The following EEF1E1 variants were observed in gnomAD, a reference collection of about 807,000 sequenced individuals.
The protein encoded by EEF1E1 is eukaryotic translation elongation factor 1 epsilon 1.
Under a neutral mutation model 19.9 loss-of-function variants are expected in EEF1E1, and 19 were observed. The observed-to-expected ratio is 0.95, with a 90% CI of 0.66 to 1.40. EEF1E1 has a LOEUF of 1.40. Among genes scored for constraint, EEF1E1 ranks in the 40% most tolerant of loss-of-function variants. The probability of loss-of-function intolerance (pLI) is 0.00; values close to 1 mark genes in which losing one functional copy is unlikely to be tolerated. For synonymous variants in EEF1E1, 81 were observed against 80.0 expected (o/e 1.01, Z -0.07); for missense variants, 198 against 202.2 (o/e 0.98, Z 0.13).
rs562267417 is a variant in EEF1E1 at position 8,095,997 on chromosome 6, G to A, written c.288+1270C>T. The stretch of plus-strand genomic sequence containing the variant: ...TAGTAGGTGCAGATGAGCAAACTGC[G>A]GTCAGACAAGGAAGACAATGCAAAT... On this transcript the variant is annotated intron_variant, in intron 2 of 3. Coordinates refer to ENST00000379715, the MANE Select transcript of EEF1E1 (RefSeq NM_004280.5). 1.8e-3 allele frequency among the ~76,000 whole-genome samples: 279 copies of A among 152,122 alleles called. 3 individuals are homozygous for A. Among genetic ancestry groups the A allele is most frequent in the African/African-American group, 6.5e-3 (268 of 41,496 alleles).
At position 8,097,364 on chromosome 6, in the gene EEF1E1, G is replaced by A. The variant is rs777312475; in HGVS notation, c.191C>T (p.Thr64Ile). Residue 64 changes from threonine (T) to isoleucine (I), a missense_variant, in exon 2 of 4, where the codon ACT becomes ATT. Thr to Ile is a moderately conservative substitution (Grantham distance 89, BLOSUM62 -1). Coordinates refer to ENST00000379715, the MANE Select transcript of EEF1E1 (RefSeq NM_004280.5). ...CTGAACGATTGCTTTTTCTTCTGCAGTACTCCCCAGCAAATATTCTTTGTT... is the reference window on the plus strand; with the variant it reads ...CTGAACGATTGCTTTTTCTTCTGCAATACTCCCCAGCAAATATTCTTTGTT... ...QANKEYLLGS[T>I]AEEKAIVQQW... 4 of 1,614,002 alleles carry A rather than the reference G, an allele frequency of 2.5e-6. No individual in the cohort carries two copies. Among genetic ancestry groups the A allele is most frequent in the African/African-American group, 1.3e-5 (1 of 74,882 alleles).
At chr6:8,076,601 G>A (rs993918609), downstream of EEF1E1, among the ~76,000 whole-genome samples, 1 of 152,140 alleles carries the variant, frequency 6.6e-6, no homozygotes, top group Non-Finnish European at 1.5e-5. Flanking sequence ...GGGATTACAG[G>A]CATGAGCCAC....
intron 3 of EEF1E1, among the ~76,000 whole-genome samples, chr6:8,074,250 G>A (rs2744011): frequency 0.29 from 43,613 of 151,962 alleles, 7,357 homozygotes; most frequent in East Asian, 0.42. Context: ...TTTTACATGA[G>A]AAAAAAACAA....
downstream of EEF1E1, among the ~76,000 whole-genome samples, chr6:8,077,133 T>C (rs371818354): frequency 2.1e-3 from 320 of 151,742 alleles, 1 homozygote; most frequent in South Asian, 0.013. Flanking sequence ...CTAGTAGAGA[T>C]GGGGTTTCAC....
At position 8,088,895 on chromosome 6, in the gene EEF1E1, G is replaced by A. The variant is rs566384199; in HGVS notation, c.384+1291C>T. ...AGGACTAAAGATAAAGGAGGAGGGA[G>A]AAGGAAGGGGCTTAAGGAAGGAAGT... is the stretch of plus-strand genomic sequence containing the variant. On this transcript the variant is annotated intron_variant, in intron 3 of 3. Coordinates refer to ENST00000379715, the MANE Select transcript of EEF1E1 (RefSeq NM_004280.5). Among the ~76,000 whole-genome samples, 270 of 151,858 alleles carry A rather than the reference G, an allele frequency of 1.8e-3. 3 individuals carry two copies. The highest frequency in any genetic ancestry group is 6.3e-3 in the African/African-American group (259 of 41,386).
chr6:8,093,697 AAC>A lies in EEF1E1; in HGVS notation c.289-3418_289-3417del, dbSNP rs551953077. Among the ~76,000 whole-genome samples the A allele has an allele frequency of 3.5e-4, 53 of 152,284 alleles. 1 individual carries two copies. Among genetic ancestry groups the A allele is most frequent in the Admixed American group, 3.5e-3 (53 of 15,300 alleles). ...ATAAAAACCTATACAGCCCAGTACAAACACAGGCAAGGAATACATGTAAGTGA... is the reference window on the plus strand; with the variant it reads ...ATAAAAACCTATACAGCCCAGTACAAACAGGCAAGGAATACATGTAAGTGA... On this transcript the variant is annotated intron_variant, in intron 2 of 3. Transcript: ENST00000379715.
rs761619705 is a variant in EEF1E1 at position 8,102,528 on chromosome 6, G to C, written c.-7C>G. ...ACTCTGCGGCCGCCGCCATCTTCCGGCCGTAGCTCCTGGCAGACGCGAGAC... is the reference window on the plus strand; with the variant it reads ...ACTCTGCGGCCGCCGCCATCTTCCGCCCGTAGCTCCTGGCAGACGCGAGAC... On this transcript the variant is annotated 5_prime_UTR_variant, in exon 1 of 4. Coordinates refer to ENST00000379715, the MANE Select transcript of EEF1E1 (RefSeq NM_004280.5). The C allele has an allele frequency of 3.7e-6, 6 of 1,609,488 alleles. No homozygotes were observed. Among genetic ancestry groups the C allele is most frequent in the Admixed American group, 1.7e-5 (1 of 59,980 alleles).
chr6:8,097,134 A>C, intron 2 of EEF1E1, 133 bp downstream of exon 2: 1 of 864,480 alleles, frequency 1.2e-6, no homozygotes, highest in Non-Finnish European at 1.9e-6. Flanking sequence ...GGCAGAGGGA[A>C]TAACAGATGC....
intron 1 of EEF1E1, among the ~76,000 whole-genome samples, chr6:8,100,323 T>C (rs1181781288): frequency 6.6e-6 from 1 of 152,238 alleles, no homozygotes; most frequent in East Asian, 1.9e-4. Context: ...AGCTCTTCCA[T>C]GAGTTTATAC....
intron 3 of EEF1E1, among the ~76,000 whole-genome samples, chr6:8,089,257 C>G (rs1757949922): frequency 6.6e-6 from 1 of 152,102 alleles, no homozygotes; most frequent in South Asian, 2.1e-4. Flanking sequence ...TTACATCAGA[C>G]AGAAATTAGA....
chr6:8,091,257 A>G (rs1758004567), intron 2 of EEF1E1, among the ~76,000 whole-genome samples: 1 of 152,146 alleles, frequency 6.6e-6, no homozygotes, highest in Non-Finnish European at 1.5e-5. Context: ...ATCTCACTGT[A>G]AACATGATCT....
chr6:8,092,876 T>G (rs1295718809), intron 2 of EEF1E1, among the ~76,000 whole-genome samples: 3 of 138,134 alleles, frequency 2.2e-5, no homozygotes, highest in Non-Finnish European at 3.1e-5. Flanking sequence ...CTGCTTTTTT[T>G]TTTTTTTTTT....
downstream of EEF1E1, among the ~76,000 whole-genome samples, chr6:8,076,394 G>A (rs1248229701): frequency 6.6e-6 from 1 of 152,040 alleles, no homozygotes; most frequent in Non-Finnish European, 1.5e-5. Flanking sequence ...CTTGATCTCG[G>A]CTCACTGCAA....
At chr6:8,102,080 G>A in intron 1 of EEF1E1, 1 of 1,189,768 alleles carries the variant, frequency 8.4e-7, no homozygotes, top group Non-Finnish European at 1.1e-6. Context: ...TGAAAGGTGC[G>A]ATTACGGGAA....
At chr6:8,080,179 A>G in intron 3 of EEF1E1, 149 bp from the exon 4 acceptor site, 1 of 826,648 alleles carries the variant, frequency 1.2e-6, no homozygotes, top group East Asian at 2.6e-5. Context: ...ATAGGAGTAA[A>G]AGTTTCAGCC....
chr6:8,083,355 T>TA (rs1437769704), intron 3 of EEF1E1, among the ~76,000 whole-genome samples: 4 of 152,228 alleles, frequency 2.6e-5, no homozygotes, highest in African/African-American at 9.6e-5. Context: ...AAGAACCACA[T>TA]GCCTCCAATG....
intron 1 of EEF1E1, among the ~76,000 whole-genome samples, chr6:8,098,369 C>T (rs533139122): frequency 3.3e-5 from 5 of 152,220 alleles, no homozygotes; most frequent in Admixed American, 6.5e-5. Context: ...CCACCCACCT[C>T]GGCCTCCCAA....
intron 2 of EEF1E1, among the ~76,000 whole-genome samples, chr6:8,093,077 T>C (rs1290962852): frequency 2.6e-5 from 4 of 152,034 alleles, no homozygotes; most frequent in Admixed American, 6.5e-5. Flanking sequence ...TTTCACTATG[T>C]TGGCCAGGCT....
At chr6:8,073,914 T>C (rs2113626494) in intron 3 of EEF1E1, among the ~76,000 whole-genome samples, 1 of 152,374 alleles carries the variant, frequency 6.6e-6, no homozygotes. Flanking sequence ...TCTTTTCTCA[T>C]TGACAGAGCA....
Sources: allele counts gnomAD v4.1 joint callset (sites outside exome capture counted in the v4.1 genomes callset), GRCh38; gene constraint gnomAD v4.1.1; transcripts MANE v1.5; gene names NCBI Gene and HGNC (gene_info 2026-07-23, HGNC 2026-07-21).